PPFIA2: variants seen among roughly 807,000 people sequenced by gnomAD.
The protein encoded by PPFIA2 is PPFI scaffold protein A2.
In PPFIA2, 46 loss-of-function variants were observed where a neutral mutation model predicts 175.5. The ratio of observed to expected loss-of-function variants is 0.26; its 90% CI spans 0.21 to 0.34. The LOEUF is 0.34. Ranked by LOEUF, PPFIA2 falls within the 10% of genes least tolerant of loss-of-function variation. The pLI, the probability that PPFIA2 is intolerant of heterozygous loss-of-function variation, is 1.00. For missense variants in PPFIA2, 1,179 were observed against 1,506.1 expected (o/e 0.78, Z 3.60); for synonymous variants, 568 against 511.4 (o/e 1.11, Z -1.49).
chr12:81,642,703 T>TGTATATATTATATAC (rs1173180908), intron 4 of PPFIA2, among the ~76,000 whole-genome samples: 1 of 13,928 alleles, frequency 7.2e-5, no homozygotes, highest in African/African-American at 3.5e-4. Flanking sequence ...CATACATGTA[T>TGTATATATTATATAC]ATGTATGTAT....
chr12:81,549,079 C>A (rs2067457672), intron 4 of PPFIA2, among the ~76,000 whole-genome samples: 1 of 152,080 alleles, frequency 6.6e-6, no homozygotes, highest in South Asian at 2.1e-4. Context: ...CTTGCCTCCA[C>A]ACAAGTAGTG....
chr12:81,630,037 T>C (rs535711716), intron 4 of PPFIA2, among the ~76,000 whole-genome samples: 12 of 152,300 alleles, frequency 7.9e-5, no homozygotes, highest in African/African-American at 2.9e-4. Flanking sequence ...GATTTGAAGA[T>C]GCTTATCCTG....
chr12:81,525,053 T>A (rs1225576777), intron 4 of PPFIA2, among the ~76,000 whole-genome samples: 1 of 152,188 alleles, frequency 6.6e-6, no homozygotes, highest in Non-Finnish European at 1.5e-5. Context: ...GCATCCAAAC[T>A]GTGAGAAATA....
intron 4 of PPFIA2, among the ~76,000 whole-genome samples, chr12:81,496,519 T>A (rs1401750349): frequency 2.0e-5 from 3 of 152,176 alleles, no homozygotes; most frequent in Non-Finnish European, 4.4e-5. Flanking sequence ...ATAGATCATA[T>A]TTTCTGCTTT....
intron 22 of PPFIA2, among the ~76,000 whole-genome samples, chr12:81,308,188 A>C (rs1365589928): frequency 6.6e-6 from 1 of 152,226 alleles, no homozygotes; most frequent in East Asian, 1.9e-4. Flanking sequence ...GAACCAGTTC[A>C]TATTCTTATA....
At chr12:81,331,880 C>T (rs1327217557) in intron 21 of PPFIA2, among the ~76,000 whole-genome samples, 1 of 152,088 alleles carries the variant, frequency 6.6e-6, no homozygotes, top group Non-Finnish European at 1.5e-5. Context: ...CTATTGACAT[C>T]AGCTAAGTTG....
intron 4 of PPFIA2, among the ~76,000 whole-genome samples, chr12:81,499,369 C>T (rs957952743): frequency 6.6e-6 from 1 of 152,192 alleles, no homozygotes; most frequent in African/African-American, 2.4e-5. Flanking sequence ...ATTTTATCTT[C>T]TTCCTCTCTT....
intron 22 of PPFIA2, among the ~76,000 whole-genome samples, chr12:81,319,213 T>G (rs1461394334): frequency 6.6e-6 from 1 of 151,820 alleles, no homozygotes; most frequent in Non-Finnish European, 1.5e-5. Context: ...ATTCCTTTTG[T>G]GCTGTTTTCC....
At chr12:81,493,427 G>C (rs1050193401) in intron 4 of PPFIA2, among the ~76,000 whole-genome samples, 1 of 151,862 alleles carries the variant, frequency 6.6e-6, no homozygotes, top group African/African-American at 2.4e-5. Flanking sequence ...TACAGGGATG[G>C]GAAACACCAG....
chr12:81,425,077 T>C (rs1020405932), intron 7 of PPFIA2: 1 of 152,202 alleles, frequency 6.6e-6, no homozygotes, highest in African/African-American at 2.4e-5. Flanking sequence ...ATTAGAACCA[T>C]ATTTTCTGCA....
intron 3 of PPFIA2, among the ~76,000 whole-genome samples, chr12:81,714,129 C>T (rs981327993): frequency 1.3e-5 from 2 of 150,454 alleles, no homozygotes; most frequent in South Asian, 4.2e-4. Context: ...AGTATGTGGT[C>T]AGAGAGAGAG....
chr12:81,570,143 C>G (rs1378977926), intron 4 of PPFIA2, among the ~76,000 whole-genome samples: 2 of 152,074 alleles, frequency 1.3e-5, no homozygotes, highest in African/African-American at 4.8e-5. Context: ...GATGGCTAAC[C>G]ATATGGTTAA....
chr12:81,259,378 A>C lies in PPFIA2; in HGVS notation c.*316T>G. On this transcript the variant is annotated 3_prime_UTR_variant, in exon 33 of 33. Transcript: ENST00000549396. ...AATACATAAATGCCTAGTATATTAC[A>C]ATAAAACATGAAAAACAACTGGCTT... 1.6e-6 allele frequency: 1 copy of C among 617,394 alleles called. No individual in the cohort carries two copies. The highest frequency in any genetic ancestry group is 3.0e-6 in the Non-Finnish European group (1 of 336,504). The allele number at this position is 617,394 out of a possible 1,614,324, so 38.2% of individuals were successfully genotyped here.
chr12:81,323,564 T>A (rs1807680040), intron 22 of PPFIA2, among the ~76,000 whole-genome samples: 1 of 151,962 alleles, frequency 6.6e-6, no homozygotes, highest in African/African-American at 2.4e-5. Flanking sequence ...AGGATACGGT[T>A]TCTTTAAAAA....
chr12:81,367,016 A>C (rs2033677621), intron 14 of PPFIA2, 92 bp downstream of exon 14: 1 of 1,293,538 alleles, frequency 7.7e-7, no homozygotes, highest in South Asian at 1.7e-5. Context: ...TACTAAAATT[A>C]TTTTTTCAAA....
rs5799548 is a variant in PPFIA2 at position 81,681,715 on chromosome 12, GAA to G, written c.250-4873_250-4872del. Among the ~76,000 whole-genome samples the G allele has an allele frequency of 3.3e-4, 49 of 146,384 alleles. No homozygotes were observed. In the East Asian group the frequency reaches 8.4e-3, roughly 25 times the overall value. ...AGTCTTGCTTCCTTTGTGTGCAAGT[GAA>G]AAAAAAAAAGGATATTAGGATTTCA... On this transcript the variant is annotated intron_variant, in intron 3 of 32. Coordinates refer to ENST00000549396, the MANE Select transcript of PPFIA2 (RefSeq NM_003625.5).
chr12:81,523,662 T>A (rs1351234391), intron 4 of PPFIA2, among the ~76,000 whole-genome samples: 2 of 152,184 alleles, frequency 1.3e-5, no homozygotes, highest in East Asian at 3.9e-4. Flanking sequence ...GGGTGGTATC[T>A]GTACACTGTG....
At chr12:81,702,255 T>G (rs1287989125) in intron 3 of PPFIA2, among the ~76,000 whole-genome samples, 3 of 152,142 alleles carry the variant, frequency 2.0e-5, no homozygotes, top group Non-Finnish European at 4.4e-5. Flanking sequence ...AGTACACAAA[T>G]GTGTTGTAGC....
intron 28 of PPFIA2, among the ~76,000 whole-genome samples, chr12:81,273,889 C>A (rs557105557): frequency 3.6e-4 from 54 of 151,684 alleles, no homozygotes; most frequent in African/African-American, 1.2e-3. Context: ...CCCCGCCCCC[C>A]CCCAAACCGG....
Sources: allele counts gnomAD v4.1 joint callset (sites outside exome capture counted in the v4.1 genomes callset), GRCh38; gene constraint gnomAD v4.1.1; transcripts MANE v1.5; gene names NCBI Gene and HGNC (gene_info 2026-07-23, HGNC 2026-07-21).